Variants in DIP2C observed in about 807,000 individuals in gnomAD.
The protein encoded by DIP2C is disco-interacting protein 2 homolog C.
DIP2C carries 33 observed loss-of-function variants against 192.4 expected under a neutral mutation model. The observed-to-expected ratio is 0.17, with a 90% confidence interval of 0.13 to 0.23. The LOEUF is 0.23. DIP2C is among the 10% of genes least tolerant of loss of function. The pLI is 1.00. For missense variants in DIP2C, 1,537 were observed against 2,110.1 expected, an observed-to-expected ratio of 0.73 and a Z score of 5.32; for synonymous variants, 979 against 864.1, an observed-to-expected ratio of 1.13 and a Z score of -2.33.
chr10:324,008 C>G (rs529355228), intron 31 of DIP2C, among the ~76,000 whole-genome samples: 4 of 152,282 alleles, frequency 2.6e-5, no homozygotes, highest in African/African-American at 9.6e-5. Context: ...TCTGCACTTA[C>G]GGCTGCCTTC....
chr10:598,439 G>C (rs705483), intron 1 of DIP2C, among the ~76,000 whole-genome samples: 3 of 152,184 alleles, frequency 2.0e-5, no homozygotes, highest in African/African-American at 7.2e-5. Flanking sequence ...CCACAAAACC[G>C]ACATGCAATC....
intron 32 of DIP2C, among the ~76,000 whole-genome samples, chr10:290,486 C>G (rs1277424871): frequency 6.6e-6 from 1 of 152,202 alleles, no homozygotes; most frequent in Non-Finnish European, 1.5e-5. Context: ...AGGTGGCATG[C>G]ACATACTTGG....
Position 444,929 on chromosome 10 carries a change from T to C in DIP2C, c.269-3933A>G, listed in dbSNP as rs138129561. ...CACGGACACACATTTTCATCTCTCC[T>C]TGGTGAACATCTACAGCATACCTGC... On this transcript the variant is annotated intron_variant, in intron 3 of 36. Coordinates refer to ENST00000280886, the MANE Select transcript of DIP2C (RefSeq NM_014974.3). Among the ~76,000 whole-genome samples, 14 of 152,386 alleles carry C rather than the reference T, an allele frequency of 9.2e-5. 1 individual carries two copies. In the East Asian group the frequency reaches 2.7e-3, roughly 29 times the overall value.
At chr10:312,216 T>A (rs1956596203) in intron 31 of DIP2C, among the ~76,000 whole-genome samples, 1 of 152,154 alleles carries the variant, frequency 6.6e-6, no homozygotes, top group African/African-American at 2.4e-5. Flanking sequence ...TGTTTTCTTC[T>A]CCTCCTCGTC....
intron 3 of DIP2C, among the ~76,000 whole-genome samples, chr10:445,479 T>C (rs1186331060): frequency 6.6e-6 from 1 of 151,252 alleles, no homozygotes; most frequent in East Asian, 2.0e-4. Context: ...ACTGGACATC[T>C]GTATACAACT....
intron 1 of DIP2C, among the ~76,000 whole-genome samples, chr10:603,234 G>C (rs11813640): frequency 0.033 from 4,919 of 148,312 alleles, 154 homozygotes; most frequent in African/African-American, 0.079. Context: ...GGGGGGCGGG[G>C]GTTGCAGTGA....
intron 17 of DIP2C, among the ~76,000 whole-genome samples, chr10:378,182 AAC>A (rs1027340395): frequency 1.3e-5 from 2 of 152,372 alleles, no homozygotes; most frequent in East Asian, 1.9e-4. Flanking sequence ...GAGAAAAGAA[AAC>A]ACAAAATATA....
chr10:487,639 G>A (rs535007634), intron 1 of DIP2C, among the ~76,000 whole-genome samples: 7 of 140,424 alleles, frequency 5.0e-5, no homozygotes, highest in African/African-American at 1.1e-4. Flanking sequence ...GTGCAGTGGC[G>A]TGATCTCAGC....
chr10:446,002 TCG>T (rs1968164118), intron 3 of DIP2C, among the ~76,000 whole-genome samples: 1 of 151,924 alleles, frequency 6.6e-6, no homozygotes, highest in African/African-American at 2.4e-5. Flanking sequence ...TATACATCAG[TCG>T]TGAAGAGTCT....
chr10:526,158 A>C (rs897988372), intron 1 of DIP2C, among the ~76,000 whole-genome samples: 2 of 152,222 alleles, frequency 1.3e-5, no homozygotes, highest in Middle Eastern at 3.2e-3. Flanking sequence ...ACCGGGGCTC[A>C]CATCAGCAGA....
chr10:596,568 G>A lies in DIP2C; in HGVS notation c.85+92926C>T, dbSNP rs576294244. On this transcript the variant is annotated intron_variant, in intron 1 of 36. Transcript: ENST00000280886. ...CCAATGAACCTATCATTCTGCCACC[G>A]AGGTATCCTATAGGTACTTATTCAG... Among the ~76,000 whole-genome samples the A allele has an allele frequency of 3.1e-4, 44 of 142,944 alleles. No homozygotes were observed. In the South Asian group the frequency reaches 4.2e-3, roughly 14 times the overall value. 93.8% of individuals were successfully genotyped at this position (142,944 alleles called of 152,430 possible).
At chr10:458,915 A>G (rs1011285108) in intron 3 of DIP2C, among the ~76,000 whole-genome samples, 1 of 152,064 alleles carries the variant, frequency 6.6e-6, no homozygotes, top group Admixed American at 6.6e-5. Context: ...AACTGACACT[A>G]AACTATCCTC....
At chr10:466,219 T>A (rs1261009042) in intron 3 of DIP2C, among the ~76,000 whole-genome samples, 2 of 152,002 alleles carry the variant, frequency 1.3e-5, no homozygotes, top group African/African-American at 2.4e-5. Flanking sequence ...GAACAGAGCC[T>A]GCAGAAATAA....
intron 1 of DIP2C, among the ~76,000 whole-genome samples, chr10:626,646 C>A (rs556080928): frequency 6.6e-6 from 1 of 152,092 alleles, no homozygotes; most frequent in African/African-American, 2.4e-5. Flanking sequence ...CTATTCAGGA[C>A]GGGGGACACA....
chr10:343,492 C>A (rs138545116), intron 28 of DIP2C, among the ~76,000 whole-genome samples: 139 of 152,298 alleles, frequency 9.1e-4, no homozygotes, highest in African/African-American at 3.1e-3. Context: ...ATTGGAAGTT[C>A]TGCCTGGGAG....
intron 17 of DIP2C, among the ~76,000 whole-genome samples, chr10:371,733 GGAGGCTGCGGTC>G (rs1314150823): frequency 6.6e-6 from 1 of 151,864 alleles, no homozygotes; most frequent in African/African-American, 2.4e-5. Context: ...AGCACCCGAG[GGAGGCTGCGGTC>G]AGGCCTGGGG....
chr10:648,235 C>G (rs570295365), intron 1 of DIP2C, among the ~76,000 whole-genome samples: 2 of 141,628 alleles, frequency 1.4e-5, no homozygotes, highest in South Asian at 4.5e-4. Flanking sequence ...GGGAAACAGT[C>G]CAAGTCCACA....
At chr10:552,900 G>T (rs975470695) in intron 1 of DIP2C, among the ~76,000 whole-genome samples, 1 of 152,248 alleles carries the variant, frequency 6.6e-6, no homozygotes, top group Admixed American at 6.5e-5. Flanking sequence ...CCATCTCCAC[G>T]GAGTGGACAG....
In DIP2C at chr10:577,380, C is replaced by T. The variant is rs771271853; in HGVS notation, c.86-90850G>A. ...AAAAATAAGCATGAGAAATTAGTCA[C>T]GTTTAAGTCAGTACCCTTTCTATGT... On this transcript the variant is annotated intron_variant, in intron 1 of 36. Transcript: ENST00000280886. Among the ~76,000 whole-genome samples the T allele has an allele frequency of 5.9e-5, 9 of 152,236 alleles. No homozygotes were observed. In the East Asian group the frequency reaches 1.2e-3, roughly 20 times the overall value.
Sources: gnomAD v4.1 joint callset for allele counts (sites outside exome capture counted in the v4.1 genomes callset) on GRCh38, gnomAD v4.1.1 for gene constraint, MANE v1.5 for transcripts, NCBI Gene and HGNC (gene_info 2026-07-23, HGNC 2026-07-21) for gene names.